The following ADAMTS17 variants were observed in gnomAD, a reference collection of about 807,000 sequenced individuals.
ADAMTS17 encodes A disintegrin and metalloproteinase with thrombospondin motifs 17.
A neutral mutation model predicts 141.5 loss-of-function variants in ADAMTS17; 113 were observed. The observed-to-expected ratio is 0.80, with a 90% CI of 0.69 to 0.93. The LOEUF (loss-of-function observed/expected upper bound fraction) is 0.93. Among genes scored for constraint, ADAMTS17 ranks in the 40% least tolerant of loss-of-function variants. The pLI is 0.00. For missense variants in ADAMTS17, 1,659 were observed against 1,517.9 expected, an observed-to-expected ratio of 1.09 and a Z score of -1.54; for synonymous variants, 768 against 630.6, an observed-to-expected ratio of 1.22 and a Z score of -3.27.
intron 8 of ADAMTS17, chr15:100,168,399 A>G (rs1280409693): frequency 3.3e-5 from 5 of 152,274 alleles, no homozygotes; most frequent in African/African-American, 9.6e-5. Context: ...GTCAGTTATC[A>G]TGGAACTTTG....
At chr15:100,000,402 C>CA in intron 18 of ADAMTS17, among the ~76,000 whole-genome samples, 1 of 152,306 alleles carries the variant, frequency 6.6e-6, no homozygotes, top group East Asian at 1.9e-4. Context: ...ATTTTCTACT[C>CA]AGTCACGACT....
intron 4 of ADAMTS17, among the ~76,000 whole-genome samples, chr15:100,271,248 A>T (rs1187411573): frequency 3.3e-5 from 5 of 152,196 alleles, no homozygotes; most frequent in African/African-American, 1.2e-4. Flanking sequence ...TTTGGGATAA[A>T]CATTTTTGGG....
chr15:99,980,919 C>T (rs1240054537), intron 20 of ADAMTS17: 1 of 152,314 alleles, frequency 6.6e-6, no homozygotes, highest in African/African-American at 2.4e-5. Flanking sequence ...TGTGGCACGT[C>T]TCCAGCATAT....
intron 15 of ADAMTS17, among the ~76,000 whole-genome samples, chr15:100,085,246 G>A (rs767656137): frequency 1.1e-4 from 16 of 152,240 alleles, no homozygotes; most frequent in Admixed American, 7.2e-4. Flanking sequence ...GGGTATCAGC[G>A]ATGGAAGATG....
chr15:100,263,064 A>T (rs1455823819), intron 4 of ADAMTS17, among the ~76,000 whole-genome samples: 2 of 152,088 alleles, frequency 1.3e-5, no homozygotes, highest in African/African-American at 2.4e-5. Context: ...ATAGTTGGTT[A>T]AAAAAAACCA....
intron 8 of ADAMTS17, among the ~76,000 whole-genome samples, chr15:100,168,099 C>T (rs1054592132): frequency 2.0e-5 from 3 of 152,184 alleles, no homozygotes; most frequent in African/African-American, 2.4e-5. Flanking sequence ...AAGTCTGCGG[C>T]GGGCCTTCCT....
At chr15:100,261,719 G>A (rs1193101949) in intron 5 of ADAMTS17, 83 bp from the exon 6 acceptor site, 7 of 1,468,786 alleles carry the variant, frequency 4.8e-6, no homozygotes, top group Non-Finnish European at 6.5e-6. Context: ...GGACGTTAAG[G>A]TGGAGGCAGT....
intron 3 of ADAMTS17, among the ~76,000 whole-genome samples, chr15:100,330,512 G>T (rs1189036216): frequency 6.6e-6 from 1 of 152,192 alleles, no homozygotes; most frequent in East Asian, 1.9e-4. Context: ...GGTGGCTTTA[G>T]TTACTGCGGC....
At chr15:100,067,638 C>A (rs2033636335) in intron 15 of ADAMTS17, among the ~76,000 whole-genome samples, 1 of 152,112 alleles carries the variant, frequency 6.6e-6, no homozygotes, top group East Asian at 1.9e-4. Flanking sequence ...TCTTCTGCAG[C>A]ACTTATCTTT....
intron 18 of ADAMTS17, among the ~76,000 whole-genome samples, chr15:100,032,285 G>A (rs778037076): frequency 6.6e-6 from 1 of 152,120 alleles, no homozygotes; most frequent in Non-Finnish European, 1.5e-5. Context: ...AGAGGTCCAG[G>A]AAGGCACCCG....
chr15:100,009,823 C>T, intron 18 of ADAMTS17, among the ~76,000 whole-genome samples: 1 of 152,140 alleles, frequency 6.6e-6, no homozygotes, highest in East Asian at 1.9e-4. Flanking sequence ...ATGATTTAGA[C>T]ATGAGGGACA....
intron 20 of ADAMTS17, among the ~76,000 whole-genome samples, chr15:99,992,540 C>A (rs1047066318): frequency 3.3e-5 from 5 of 152,182 alleles, no homozygotes; most frequent in African/African-American, 1.2e-4. Context: ...TTCAGTGGCC[C>A]TTTATTCACC....
At position 100,083,897 on chromosome 15, in the gene ADAMTS17, C is replaced by T. The variant is rs2034913772; in HGVS notation, c.2137+12459G>A. Among the ~76,000 whole-genome samples, 4 of 151,888 alleles carry T rather than the reference C, an allele frequency of 2.6e-5. No homozygotes were observed. In the East Asian group the frequency reaches 7.7e-4, roughly 29 times the overall value. ...ATGACCAAATAGGAACAGCTCCAGT[C>T]TACAGCTCCCAGTGTGAGCGATGAA... On this transcript the variant is annotated intron_variant, in intron 15 of 21. Transcript: ENST00000268070.
At chr15:99,982,492 G>A (rs2060500822) in intron 20 of ADAMTS17, among the ~76,000 whole-genome samples, 1 of 152,204 alleles carries the variant, frequency 6.6e-6, no homozygotes, top group African/African-American at 2.4e-5. Context: ...ACCTGAGCTG[G>A]GCCATGGTGG....
At chr15:100,045,492 C>T (rs1212790745) in intron 18 of ADAMTS17, among the ~76,000 whole-genome samples, 4 of 152,164 alleles carry the variant, frequency 2.6e-5, no homozygotes, top group Non-Finnish European at 5.9e-5. Flanking sequence ...TGGTGGGCAG[C>T]AGCTACAGTC....
chr15:99,997,350 G>C lies in ADAMTS17; in HGVS notation c.2796+35C>G. The stretch of plus-strand genomic sequence containing the variant: ...ACCATGGCACCGTGTTGGAGTCCCT[G>C]TGGCTGAGTCCTGGTGGCAAGCCCA... On this transcript the variant is annotated intron_variant, in intron 19 of 21. Transcript: ENST00000268070. This position sits in a 1 kb window ranked among gnomAD's most constrained non-coding sequence, Gnocchi z 4.7. 1.2e-6 allele frequency: 2 copies of C among 1,612,160 alleles called. No homozygotes were observed. The highest frequency in any genetic ancestry group is 1.7e-6 in the Non-Finnish European group (2 of 1,179,022).
At chr15:100,315,991 T>C (rs2045554772) in intron 3 of ADAMTS17, among the ~76,000 whole-genome samples, 1 of 152,252 alleles carries the variant, frequency 6.6e-6, no homozygotes, top group African/African-American at 2.4e-5. Flanking sequence ...TCCAAGCTGC[T>C]TTGTGGAATG....
chr15:99,977,308 C>A (rs1454584153), intron 20 of ADAMTS17, among the ~76,000 whole-genome samples: 1 of 133,310 alleles, frequency 7.5e-6, no homozygotes, highest in Admixed American at 8.4e-5. Context: ...AGGAGTGGAC[C>A]CGGTTAAGAC....
chr15:100,298,344 G>A (rs12438870), intron 3 of ADAMTS17, among the ~76,000 whole-genome samples: 10,935 of 152,106 alleles, frequency 0.072, 700 homozygotes, highest in East Asian at 0.23. Context: ...CAGGAAGAAC[G>A]AGGCTTCTAC....
Sources: gnomAD v4.1 joint callset for allele counts (sites outside exome capture counted in the v4.1 genomes callset) on GRCh38, gnomAD v4.1.1 for gene constraint, Gnocchi (gnomAD v3.1) non-coding constraint, MANE v1.5 for transcripts, NCBI Gene and HGNC (gene_info 2026-07-23, HGNC 2026-07-21) for gene names.